TNRC6C: variants seen among roughly 807,000 people sequenced by gnomAD.
The protein encoded by TNRC6C is trinucleotide repeat-containing gene 6C protein.
TNRC6C carries 20 observed loss-of-function variants against 153.7 expected under a neutral mutation model. The ratio of observed to expected loss-of-function variants is 0.13; its 90% CI spans 0.09 to 0.19. The LOEUF (loss-of-function observed/expected upper bound fraction) is 0.19, where lower values mean the gene tolerates loss of function less well. Ranked by LOEUF, TNRC6C falls within the 10% of genes least tolerant of loss-of-function variation. The pLI is 1.00. For synonymous variants in TNRC6C, 811 were observed against 841.4 expected (o/e 0.96, Z 0.63); for missense variants, 1,987 against 2,172.0 (o/e 0.91, Z 1.69).
At chr17:78,033,500 T>C (rs932950206) in intron 2 of TNRC6C, among the ~76,000 whole-genome samples, 9 of 152,134 alleles carry the variant, frequency 5.9e-5, no homozygotes, top group African/African-American at 2.2e-4. Flanking sequence ...AGAAACCCAG[T>C]CTGTACTAAA....
chr17:77,990,373 T>G (rs1372646700), intron 1 of TNRC6C, among the ~76,000 whole-genome samples: 4 of 152,236 alleles, frequency 2.6e-5, no homozygotes, highest in Non-Finnish European at 4.4e-5. Flanking sequence ...CTCATTGCTC[T>G]GAAGATAAAG....
At chr17:78,023,573 G>A (rs1232867648) in intron 1 of TNRC6C, among the ~76,000 whole-genome samples, 1 of 152,038 alleles carries the variant, frequency 6.6e-6, no homozygotes, top group African/African-American at 2.4e-5. Flanking sequence ...GAGAGGCTGA[G>A]GTGGATAGAC....
intron 4 of TNRC6C, 30 bp downstream of exon 6, chr17:78,064,967 T>C (rs541229135): frequency 6.4e-7 from 1 of 1,573,764 alleles, no homozygotes; most frequent in South Asian, 1.2e-5. Flanking sequence ...TGCCCTGATC[T>C]GGCAATTTGG....
exon 14 of TNRC6C, chr17:78,091,450 C>T: frequency 6.3e-7 from 1 of 1,593,982 alleles, no homozygotes; most frequent in Non-Finnish European, 8.5e-7. Context: ...CTGGACTGAA[C>T]CCAAACATGA....
rs139850177 is a variant in TNRC6C, at chr17:77,967,296, T to TA, written c.-38+8030dup. On this transcript the variant is annotated intron_variant, in intron 1 of 22. Coordinates refer to the TNRC6C transcript ENST00000636222. ...GATTTGAGTTACTTATTAGCAGGGA[T>TA]AATAACATGTTCATCTTTGTAATCC... 3.9e-3 allele frequency among the ~76,000 whole-genome samples: 590 copies of TA among 152,336 alleles called. 3 individuals carry two copies. Among genetic ancestry groups the TA allele is most frequent in the African/African-American group, 0.014 (574 of 41,564 alleles).
chr17:78,048,290 A>G (rs2072449733), intron 2 of TNRC6C, among the ~76,000 whole-genome samples: 1 of 152,124 alleles, frequency 6.6e-6, no homozygotes, highest in African/African-American at 2.4e-5. Flanking sequence ...ATTGTCTCAT[A>G]TGTCTTTTCT....
intron 1 of TNRC6C, among the ~76,000 whole-genome samples, chr17:78,025,898 A>G (rs1449446379): frequency 1.3e-5 from 2 of 152,184 alleles, no homozygotes; most frequent in African/African-American, 4.8e-5. Context: ...TTAAAACTGC[A>G]TGTCATGTTC....
In TNRC6C at chr17:78,049,138, G is replaced by C. The variant is rs375547025; in HGVS notation, c.76G>C (p.Ala26Pro). 1 of 1,603,576 alleles carries C rather than the reference G, an allele frequency of 6.2e-7. No individual in the cohort carries two copies. The highest frequency in any genetic ancestry group is 8.5e-7 in the Non-Finnish European group (1 of 1,174,750). The change falls in exon 3 of 20, where the codon GCA becomes CCA. Residue 26 changes from alanine (A) to proline (P), a missense_variant. By Grantham distance (27) the Ala-to-Pro change is conservative (BLOSUM62 -1). Around this residue, in one of 4 missense-constraint regions of TNRC6C, gnomAD observed 1,052 missense variants for 1,017.0 expected, o/e 1.03. Transcript: ENST00000301624. This position sits in a 1 kb window ranked among gnomAD's most constrained non-coding sequence, Gnocchi z 4.1. ...AAATGGCAATAATGGCACCAATGGC[G>C]CACTCGTCCAAAGCCCTTCTAATCA...
chr17:78,058,397 T>A (rs2072701358), intron 3 of TNRC6C, among the ~76,000 whole-genome samples: 1 of 152,218 alleles, frequency 6.6e-6, no homozygotes, highest in South Asian at 2.1e-4. Flanking sequence ...AAGAGAACAT[T>A]GAATATTAAT....
intron 1 of TNRC6C, among the ~76,000 whole-genome samples, chr17:77,999,020 G>A (rs910250670): frequency 6.6e-6 from 1 of 152,244 alleles, no homozygotes; most frequent in African/African-American, 2.4e-5. Flanking sequence ...CCCACATGTA[G>A]GAGTTAGTCT....
intron 1 of TNRC6C, among the ~76,000 whole-genome samples, chr17:77,967,794 A>T (rs2070909805): frequency 6.6e-6 from 1 of 152,220 alleles, no homozygotes; most frequent in African/African-American, 2.4e-5. Flanking sequence ...CATTGGAAAA[A>T]TGAGTGTTAT....
intron 2 of TNRC6C, among the ~76,000 whole-genome samples, chr17:78,047,274 T>C (rs982999411): frequency 3.9e-5 from 6 of 152,336 alleles, no homozygotes; most frequent in African/African-American, 4.8e-5. Context: ...TTTTAGAGTA[T>C]GTGCAAAACC....
intron 13 of TNRC6C, among the ~76,000 whole-genome samples, chr17:78,089,029 G>A (rs970303680): frequency 4.9e-5 from 7 of 143,180 alleles, no homozygotes; most frequent in South Asian, 4.5e-4. Flanking sequence ...GTGCGATGGC[G>A]CAGTCTCGGC....
At chr17:78,013,177 T>C (rs2071666707) in intron 1 of TNRC6C, among the ~76,000 whole-genome samples, 1 of 152,200 alleles carries the variant, frequency 6.6e-6, no homozygotes, top group African/African-American at 2.4e-5. Flanking sequence ...AGCTAGCTCA[T>C]AGAGTCCTTG....
At chr17:77,985,841 C>T (rs920382833) in intron 1 of TNRC6C, among the ~76,000 whole-genome samples, 1 of 152,016 alleles carries the variant, frequency 6.6e-6, no homozygotes, top group Non-Finnish European at 1.5e-5. Flanking sequence ...TCCCAGGGGC[C>T]AGGAATCTTA....
At chr17:78,031,939 TACTC>T in intron 2 of TNRC6C, 97 bp downstream of exon 4, 2 of 1,040,796 alleles carry the variant, frequency 1.9e-6, no homozygotes, top group Non-Finnish European at 2.5e-6. Flanking sequence ...TTTTGGTCCA[TACTC>T]ACAACATACA....
chr17:78,094,033 G>A (rs2073439525), intron 16 of TNRC6C, among the ~76,000 whole-genome samples: 1 of 150,176 alleles, frequency 6.7e-6, no homozygotes, highest in South Asian at 2.1e-4. Context: ...AGGATGGAGT[G>A]CAGTGGCATG....
chr17:78,020,761 C>CT (rs1234485687), intron 1 of TNRC6C, among the ~76,000 whole-genome samples: 8 of 151,946 alleles, frequency 5.3e-5, no homozygotes, highest in East Asian at 1.9e-4. Context: ...AGGTATTTCT[C>CT]TTTTTTTTGG....
chr17:78,047,016 A>G (rs752857753), intron 2 of TNRC6C, among the ~76,000 whole-genome samples: 6 of 151,600 alleles, frequency 4.0e-5, no homozygotes, highest in Non-Finnish European at 5.9e-5. Context: ...AAAAGAATGC[A>G]TTGGTCAGCC....
Sources: allele counts gnomAD v4.1 joint callset (sites outside exome capture counted in the v4.1 genomes callset), GRCh38; gene constraint gnomAD v4.1.1; regional missense constraint gnomAD v4.1.1; non-coding constraint Gnocchi (gnomAD v3.1); transcripts MANE v1.5; gene names NCBI Gene and HGNC (gene_info 2026-07-23, HGNC 2026-07-21).